Variants in PPP2R1B observed in about 807,000 individuals in gnomAD.
PPP2R1B encodes serine/threonine-protein phosphatase 2A 65 kDa regulatory subunit A beta isoform.
A neutral mutation model predicts 72.7 loss-of-function variants in PPP2R1B; 58 were observed. That is an observed-to-expected ratio of 0.80 (90% CI 0.65 to 0.99). PPP2R1B has a LOEUF of 0.99. Ranked by LOEUF, PPP2R1B falls within the 50% of genes least tolerant of loss-of-function variation. The probability of loss-of-function intolerance (pLI) is 0.00; values close to 1 mark genes in which losing one functional copy is unlikely to be tolerated. For synonymous variants in PPP2R1B, 256 were observed against 264.6 expected (o/e 0.97, Z 0.32); for missense variants, 695 against 733.6 (o/e 0.95, Z 0.61).
chr11:111,688,209 G>A, the PPP2R1B span: 1 of 1,596,836 alleles, frequency 6.3e-7, no homozygotes, highest in Non-Finnish European at 8.6e-7. The surrounding 1 kb of genome is among the most constrained non-coding windows in gnomAD (Gnocchi z 4.2). Flanking sequence ...GTGAGCCACT[G>A]CACTCAGTGT....
chr11:111,704,590 T>C, the PPP2R1B span, among the ~76,000 whole-genome samples: 4 of 152,218 alleles, frequency 2.6e-5, no homozygotes, highest in African/African-American at 9.6e-5. Flanking sequence ...TTCAGATTTG[T>C]GTTGAAGCCA....
chr11:111,756,766 G>A (rs1401935581), intron 5 of PPP2R1B, among the ~76,000 whole-genome samples: 1 of 152,196 alleles, frequency 6.6e-6, no homozygotes, highest in Non-Finnish European at 1.5e-5. Flanking sequence ...AATGTAAACA[G>A]CCAATGTCAA....
At chr11:111,764,955 C>G (rs1945467587) in intron 2 of PPP2R1B, 50 bp from the exon 3 acceptor site, 1 of 1,599,164 alleles carries the variant, frequency 6.3e-7, no homozygotes, top group South Asian at 1.1e-5. Context: ...TCTCCCACAG[C>G]TGGACACTGA....
chr11:111,721,748 A>G, the PPP2R1B span: 1 of 1,044,302 alleles, frequency 9.6e-7, no homozygotes, highest in Non-Finnish European at 1.4e-6. Flanking sequence ...CCTATTGGAC[A>G]TTGCAAAGGT....
chr11:111,723,345 C>T (rs1943862251), downstream of PPP2R1B: 3 of 784,652 alleles, frequency 3.8e-6, no homozygotes, highest in Non-Finnish European at 6.0e-6. Context: ...TTAAGAGACC[C>T]AACACAATTG....
the PPP2R1B span, among the ~76,000 whole-genome samples, chr11:111,701,840 T>C: frequency 6.6e-6 from 1 of 152,222 alleles, no homozygotes; most frequent in African/African-American, 2.4e-5. This position sits in a 1 kb window ranked among gnomAD's most constrained non-coding sequence, Gnocchi z 4.2. Context: ...GTCCCAGGTT[T>C]ATTTTAGATT....
At chr11:111,752,433 G>GA (rs1489417486) in intron 9 of PPP2R1B, 101 bp from the exon 10 acceptor site, 1,109 of 1,139,136 alleles carry the variant, frequency 9.7e-4, no homozygotes, top group South Asian at 1.4e-3. Flanking sequence ...AGACTCAGGT[G>GA]AAAAAAAAAT....
At chr11:111,736,259 C>T (rs1944336987), downstream of PPP2R1B, among the ~76,000 whole-genome samples, 1 of 152,162 alleles carries the variant, frequency 6.6e-6, no homozygotes, top group African/African-American at 2.4e-5. Flanking sequence ...CAGAGGCAGC[C>T]CGGGCCCTGT....
chr11:111,765,890 C>T (rs970009005), intron 1 of PPP2R1B: 46 of 498,118 alleles, frequency 9.2e-5, no homozygotes, highest in Non-Finnish European at 1.6e-4. Flanking sequence ...GCCGCTCCAG[C>T]CCCGTCTCGG....
downstream of PPP2R1B, chr11:111,723,587 C>G: frequency 6.2e-7 from 1 of 1,614,206 alleles, no homozygotes. Flanking sequence ...CTACCCACAG[C>G]CAAGTCAGCA....
At chr11:111,727,528 AC>A (rs149149672) in intron 15 of PPP2R1B, 11 of 164,528 alleles carry the variant, frequency 6.7e-5, no homozygotes, top group South Asian at 3.4e-4. Flanking sequence ...GCAAGGGGGG[AC>A]CCCCCCTGTA....
intron 10 of PPP2R1B, among the ~76,000 whole-genome samples, chr11:111,751,509 G>A (rs1944906453): frequency 6.6e-6 from 1 of 152,138 alleles, no homozygotes; most frequent in Non-Finnish European, 1.5e-5. Flanking sequence ...CTGATATGAT[G>A]CTCAAAGGAA....
chr11:111,723,911 G>C (rs966698712), downstream of PPP2R1B: 1 of 1,613,562 alleles, frequency 6.2e-7, no homozygotes, highest in African/African-American at 1.3e-5. Flanking sequence ...GCCAAGCGCT[G>C]CTTCCCCTGC....
chr11:111,699,615 T>TA, the PPP2R1B span, among the ~76,000 whole-genome samples: 1 of 152,238 alleles, frequency 6.6e-6, no homozygotes, highest in African/African-American at 2.4e-5. Context: ...GAAGCTGTAA[T>TA]AATGGGGATT....
At chr11:111,723,282 C>T (rs1331401310), downstream of PPP2R1B, among the ~76,000 whole-genome samples, 1 of 152,148 alleles carries the variant, frequency 6.6e-6, no homozygotes, top group African/African-American at 2.4e-5. Flanking sequence ...CATTCCTGCT[C>T]ACGTTAGTAC....
intron 3 of PPP2R1B, among the ~76,000 whole-genome samples, chr11:111,763,505 G>A (rs1555051966): frequency 6.6e-6 from 1 of 152,180 alleles, no homozygotes; most frequent in Non-Finnish European, 1.5e-5. Context: ...AGCATTGCTA[G>A]GAAGCTACTA....
At chr11:111,734,681 G>A (rs1944289812), downstream of PPP2R1B, among the ~76,000 whole-genome samples, 1 of 152,224 alleles carries the variant, frequency 6.6e-6, no homozygotes, top group Non-Finnish European at 1.5e-5. Context: ...TTTGTCATCA[G>A]TCCTCAGTTT....
At chr11:111,700,345 A>G in the PPP2R1B span, among the ~76,000 whole-genome samples, 1 of 152,226 alleles carries the variant, frequency 6.6e-6, no homozygotes, top group Non-Finnish European at 1.5e-5. Context: ...TCAGATGGTT[A>G]TCTGCCTAAA....
downstream of PPP2R1B, among the ~76,000 whole-genome samples, chr11:111,735,716 CCT>C (rs1944320994): frequency 6.6e-6 from 1 of 152,192 alleles, no homozygotes; most frequent in South Asian, 2.1e-4. Flanking sequence ...CCCTGAGGGC[CCT>C]GAGGCTGGCT....
Sources: allele counts gnomAD v4.1 joint callset (sites outside exome capture counted in the v4.1 genomes callset), GRCh38; gene constraint gnomAD v4.1.1; non-coding constraint Gnocchi (gnomAD v3.1); transcripts MANE v1.5; gene names NCBI Gene and HGNC (gene_info 2026-07-23, HGNC 2026-07-21).